The following TTC34 variants were observed in gnomAD, a reference collection of about 807,000 sequenced individuals.
TTC34 encodes the protein tetratricopeptide repeat protein 34.
Under a neutral mutation model 40.7 loss-of-function variants are expected in TTC34, and 44 were observed. The observed-to-expected ratio is 1.08, with a 90% CI of 0.85 to 1.39. The LOEUF (loss-of-function observed/expected upper bound fraction) is 1.39, where lower values mean the gene tolerates loss of function less well. TTC34 is among the 40% of genes most tolerant of loss of function. The pLI is 0.00. For missense variants in TTC34, 884 were observed against 838.0 expected (o/e 1.05, Z -0.68); for synonymous variants, 422 against 398.6 (o/e 1.06, Z -0.70).
intron 6 of TTC34, among the ~76,000 whole-genome samples, chr1:2,655,890 C>G (rs1407088639): frequency 8.1e-5 from 8 of 99,310 alleles, no homozygotes; most frequent in African/African-American, 2.9e-4. Context: ...GAGCAGTGCC[C>G]AAACCCCCAG....
chr1:2,675,156 C>G (rs1186583336), intron 6 of TTC34, among the ~76,000 whole-genome samples: 1 of 134,492 alleles, frequency 7.4e-6, no homozygotes, highest in African/African-American at 2.7e-5. Context: ...TAGCAGCACC[C>G]ACACCCCCAG....
chr1:2,682,033 T>A (rs1201798528), intron 6 of TTC34, among the ~76,000 whole-genome samples: 1 of 87,910 alleles, frequency 1.1e-5, no homozygotes. Flanking sequence ...TACCCACAGG[T>A]GAGCATCTGA....
rs1457489764 is a variant in TTC34 at position 2,683,416 on chromosome 1, G to A, written c.2227-37853C>T. On this transcript the variant is annotated intron_variant, in intron 6 of 8. Transcript: ENST00000401095. ...CGCCCAGGTGAGCATCCGATAGCCTGGAACACCACCCTTCACCCCCAGGTG... is the reference window on the plus strand; with the variant it reads ...CGCCCAGGTGAGCATCCGATAGCCTAGAACACCACCCTTCACCCCCAGGTG... Among the ~76,000 whole-genome samples the A allele has an allele frequency of 7.9e-5, 10 of 126,830 alleles. No individual in the cohort carries two copies. The East Asian group carries it at 1.5e-3, about 19-fold the overall frequency. 83.2% of individuals were successfully genotyped at this position (126,830 alleles called of 152,430 possible).
At chr1:2,652,790 T>G (rs1639194810) in intron 6 of TTC34, among the ~76,000 whole-genome samples, 1 of 148,912 alleles carries the variant, frequency 6.7e-6, no homozygotes, top group African/African-American at 2.5e-5. Flanking sequence ...TCCGACAGCC[T>G]GGAGCAGCAA....
At chr1:2,685,040 A>C (rs796174892) in intron 6 of TTC34, among the ~76,000 whole-genome samples, 550 of 18,898 alleles carry the variant, frequency 0.029, no homozygotes, top group African/African-American at 0.046. Context: ...ACCCACACCC[A>C]CAGGTGAGCA....
chr1:2,646,536 C>A (rs1456230907), intron 6 of TTC34, among the ~76,000 whole-genome samples: 2 of 152,122 alleles, frequency 1.3e-5, no homozygotes, highest in Admixed American at 6.5e-5. Flanking sequence ...AGGCACATGC[C>A]ACCACACCCA....
intron 6 of TTC34, among the ~76,000 whole-genome samples, chr1:2,748,906 G>C (rs1441168934): frequency 2.0e-3 from 60 of 30,688 alleles, no homozygotes; most frequent in East Asian, 4.7e-3. Context: ...TGACAGCCTG[G>C]AACAGAACCC....
At chr1:2,750,165 C>A (rs1569688474) in intron 6 of TTC34, among the ~76,000 whole-genome samples, 59 of 144,994 alleles carry the variant, frequency 4.1e-4, no homozygotes, top group Admixed American at 7.5e-4. Flanking sequence ...AACAAACACC[C>A]CCAGGCGAGC....
intron 6 of TTC34, among the ~76,000 whole-genome samples, 191 bp downstream of exon 6, chr1:2,783,418 A>G (rs1643518703): frequency 6.6e-6 from 1 of 152,244 alleles, no homozygotes; most frequent in Non-Finnish European, 1.5e-5. Flanking sequence ...CAGGACTCCC[A>G]GAAACTGGGT....
At position 2,749,950 on chromosome 1, in the gene TTC34, G is replaced by C. The variant is rs1368910146; in HGVS notation, c.2226+33659C>G. Among the ~76,000 whole-genome samples, 2 of 79,884 alleles carry C rather than the reference G, an allele frequency of 2.5e-5. 1 individual carries two copies. The highest frequency in any genetic ancestry group is 4.5e-5 in the Non-Finnish European group (2 of 44,398). The allele number at this position is 79,884 out of a possible 152,430, so 52.4% of individuals were successfully genotyped here. A position where few individuals can be genotyped will look rare whatever the true frequency, so the allele number is the denominator to read the frequency against. ...CCCCAGGCGAGCATCTGACGGCCTG[G>C]AACAGCACACACACCGCCAGGTGAG... On this transcript the variant is annotated intron_variant, in intron 6 of 8. Transcript: ENST00000401095.
exon 9 of TTC34, chr1:2,641,341 TTAGGGCTGGGAG>T (rs1400958837): frequency 6.8e-7 from 1 of 1,463,286 alleles, no homozygotes; most frequent in East Asian, 2.5e-5. Flanking sequence ...GGCCCCGTGA[TTAGGGCTGGGAG>T]AGGGTCAGGC....
chr1:2,645,487 G>A lies in TTC34; in HGVS notation c.2303C>T (p.Pro768Leu), dbSNP rs768127990. 54 of 1,530,914 alleles carry A rather than the reference G, an allele frequency of 3.5e-5. No homozygotes were observed. The highest frequency in any genetic ancestry group is 4.9e-5 in the East Asian group (2 of 40,536). 94.8% of individuals were successfully genotyped at this position (1,530,914 alleles called of 1,614,324 possible). Reference sequence around the variant, plus strand: ...CTGTGTGATGAGGGCCTGGGCTTCCGGCTTCAGAGAGCGGAGCTCAGGGAC... The same window carrying A: ...CTGTGTGATGAGGGCCTGGGCTTCCAGCTTCAGAGAGCGGAGCTCAGGGAC... The change falls in exon 7 of 9, where the codon CCG becomes CTG. Residue 768 changes from proline (P) to leucine (L), a missense_variant. Physicochemically the swap from Pro to Leu is moderately conservative, Grantham distance 98. Coordinates refer to ENST00000401095, the Ensembl canonical transcript of TTC34. This position sits in a 1 kb window ranked among gnomAD's most constrained non-coding sequence, Gnocchi z 4.7.
intron 6 of TTC34, among the ~76,000 whole-genome samples, chr1:2,683,204 T>C (rs1302446745): frequency 7.2e-6 from 1 of 139,106 alleles, no homozygotes; most frequent in Non-Finnish European, 1.5e-5. Context: ...CAGGCGAGCA[T>C]CTGAGAGCCT....
chr1:2,773,011 C>T (rs1182004597), intron 6 of TTC34, among the ~76,000 whole-genome samples: 1 of 151,672 alleles, frequency 6.6e-6, no homozygotes, highest in East Asian at 2.0e-4. Flanking sequence ...TGGAGCAGCA[C>T]CCACACCCCC....
chr1:2,747,670 CGCAAA>C (rs1641197106), intron 6 of TTC34, among the ~76,000 whole-genome samples: 1 of 128,016 alleles, frequency 7.8e-6, no homozygotes, highest in Admixed American at 8.0e-5. Context: ...TGGAACAGCA[CGCAAA>C]CCCCCAGGTG....
chr1:2,798,851 A>C (rs867565392), intron 2 of TTC34, among the ~76,000 whole-genome samples: 90 of 16,648 alleles, frequency 5.4e-3, no homozygotes, highest in Admixed American at 6.9e-3. Context: ...CTCAGCCTCC[A>C]AGCCTCCCAG....
In TTC34 at chr1:2,777,524, G is replaced by A. The variant is rs187549188; in HGVS notation, c.2226+6085C>T. 4.6e-5 allele frequency among the ~76,000 whole-genome samples: 7 copies of A among 152,332 alleles called. No individual in the cohort carries two copies. In the East Asian group the frequency reaches 1.3e-3, roughly 29 times the overall value. On this transcript the variant is annotated intron_variant, in intron 6 of 8. Coordinates refer to ENST00000401095, the Ensembl canonical transcript of TTC34. ...CACCAGGTGAGCATATGACCGCCTG[G>A]AAGAAGCACCCCTGCATGTTACCTG...
chr1:2,694,280 GCA>G, intron 6 of TTC34, among the ~76,000 whole-genome samples: 2 of 50,504 alleles, frequency 4.0e-5, no homozygotes, highest in African/African-American at 1.4e-4. Context: ...CCCCAGGTGA[GCA>G]TCGGACAGCC....
At chr1:2,687,320 C>T (rs1277259760) in intron 6 of TTC34, among the ~76,000 whole-genome samples, 1 of 125,586 alleles carries the variant, frequency 8.0e-6, no homozygotes, top group Non-Finnish European at 1.7e-5. Flanking sequence ...GAACAGCACC[C>T]CAAACCCACA....
Sources: gnomAD v4.1 joint callset for allele counts (sites outside exome capture counted in the v4.1 genomes callset) on GRCh38, gnomAD v4.1.1 for gene constraint, Gnocchi (gnomAD v3.1) non-coding constraint, MANE v1.5 for transcripts, NCBI Gene and HGNC (gene_info 2026-07-23, HGNC 2026-07-21) for gene names.